Variants in COL5A1 observed in about 807,000 individuals in gnomAD.
COL5A1 encodes collagen alpha-1(V) chain.
Under a neutral mutation model 263.7 loss-of-function variants are expected in COL5A1, and 16 were observed. The observed-to-expected ratio is 0.06, with a 90% CI of 0.04 to 0.09. The LOEUF (loss-of-function observed/expected upper bound fraction) is 0.09, where lower values mean the gene tolerates loss of function less well. Among genes scored for constraint, COL5A1 ranks in the 10% least tolerant of loss-of-function variants. The pLI is 1.00. For missense variants in COL5A1, 2,036 were observed against 2,540.5 expected (o/e 0.80, Z 4.27); for synonymous variants, 1,012 against 1,004.5 (o/e 1.01, Z -0.14).
intron 11 of COL5A1, among the ~76,000 whole-genome samples, chr9:134,743,852 A>G (rs1448208264): frequency 6.6e-6 from 1 of 152,084 alleles, no homozygotes; most frequent in East Asian, 1.9e-4. Context: ...AAAGTTTCGT[A>G]TGTAAGCCAT....
At chr9:134,731,203 C>T (rs930758737) in intron 7 of COL5A1, among the ~76,000 whole-genome samples, 3 of 152,228 alleles carry the variant, frequency 2.0e-5, no homozygotes, top group Non-Finnish European at 2.9e-5. Context: ...GATGCATTAT[C>T]GCAAGACCCT....
Position 134,806,124 on chromosome 9 carries a change from T to G in COL5A1, c.3259-65T>G, listed in dbSNP as rs1168596875. On this transcript the variant is annotated intron_variant, in intron 41 of 65. Transcript: ENST00000371817. ...GTAAGTGGAGTGATCAGCTGGTGCT[T>G]TACAAAGTCACGACCACGCAGTCTG... is the stretch of plus-strand genomic sequence containing the variant. 1.7e-5 allele frequency: 21 copies of G among 1,230,334 alleles called. No individual in the cohort carries two copies. The South Asian group carries it at 1.9e-4, about 11-fold the overall frequency. 76.2% of individuals were successfully genotyped at this position (1,230,334 alleles called of 1,614,324 possible).
Position 134,759,266 on chromosome 9 carries a change from A to T in COL5A1, c.1935+970A>T, listed in dbSNP as rs1394082968. ...ACACCACACATGTGTGCGCGCACAC[A>T]CTCATACACACATGCACACACACGC... On this transcript the variant is annotated intron_variant, in intron 18 of 65. Transcript: ENST00000371817. 3.6e-5 allele frequency among the ~76,000 whole-genome samples: 4 copies of T among 110,784 alleles called. No homozygotes were observed. In the East Asian group the frequency reaches 1.3e-3, roughly 37 times the overall value. The allele number at this position is 110,784 out of a possible 152,430, so 72.7% of individuals were successfully genotyped here.
intron 18 of COL5A1, among the ~76,000 whole-genome samples, chr9:134,759,390 CAT>C (rs1836140226): frequency 1.4e-5 from 2 of 143,188 alleles, no homozygotes; most frequent in Admixed American, 6.9e-5. Flanking sequence ...CACATGCACA[CAT>C]ACGCATACAC....
intron 42 of COL5A1, 71 bp downstream of exon 42, chr9:134,806,367 C>G (rs1838297670): frequency 5.3e-6 from 6 of 1,132,976 alleles, no homozygotes; most frequent in Non-Finnish European, 7.7e-6. Flanking sequence ...CTGGCCTTGT[C>G]CCTCCCCCTG....
At position 134,755,833 on chromosome 9, in the gene COL5A1, G is replaced by T. The variant is rs943571027; in HGVS notation, c.1828-932G>T. ...CTCGGCTGTTCTCGGGTGCCACCTT[G>T]TCTGTCTCCAGTGCTTTGAGACCCT... On this transcript the variant is annotated intron_variant, in intron 16 of 65. Transcript: ENST00000371817. The surrounding 1 kb of genome is among the most constrained non-coding windows in gnomAD (Gnocchi z 4.1). Among the ~76,000 whole-genome samples the T allele has an allele frequency of 6.6e-6, 1 of 152,124 alleles. No homozygotes were observed. The highest frequency in any genetic ancestry group is 2.4e-5 in the African/African-American group (1 of 41,430).
chr9:134,812,758 GAGTGTGTGTGTGTGTC>G (rs1170774118), intron 48 of COL5A1, 46 bp downstream of exon 48: 4 of 1,029,838 alleles, frequency 3.9e-6, no homozygotes, highest in Non-Finnish European at 4.1e-6. Context: ...GTTGTTTGAG[GAGTGTGTGTGTGTGTC>G]TGTGTGTGTG....
At chr9:134,675,933 C>G (rs1242439296) in intron 1 of COL5A1, among the ~76,000 whole-genome samples, 1 of 152,182 alleles carries the variant, frequency 6.6e-6, no homozygotes, top group East Asian at 1.9e-4. Context: ...GTCAGGTGGC[C>G]ACAAAGCCCA....
chr9:134,747,760 T>C (rs1291405204), intron 11 of COL5A1, among the ~76,000 whole-genome samples: 4 of 132,450 alleles, frequency 3.0e-5, no homozygotes, highest in Non-Finnish European at 6.3e-5. Context: ...CACACATGCA[T>C]TCATACATGC....
At chr9:134,645,041 GC>G (rs1001043093) in intron 1 of COL5A1, among the ~76,000 whole-genome samples, 1 of 152,152 alleles carries the variant, frequency 6.6e-6, no homozygotes, top group Non-Finnish European at 1.5e-5. Context: ...AATTCCCCAA[GC>G]CCTCTCCCTG....
In COL5A1 at chr9:134,811,361, C is replaced by T. The variant is rs749093832; in HGVS notation, c.3551C>T (p.Pro1184Leu). The change falls in exon 45 of 66, where the codon CCT (proline) becomes CTT (leucine). Residue 1184 changes from proline (P) to leucine (L), a missense_variant. Physicochemically the swap from Pro to Leu is moderately conservative, Grantham distance 98. Coordinates refer to ENST00000371817, the MANE Select transcript of COL5A1 (RefSeq NM_000093.5). ...CAGGGTCCTCCTGGGCCTACAGGTC[C>T]TCAAGGCCCCATCGGACAGCCAGGC... ...GEQGPPGPTGPQGPIGQPGPS... is the reference protein window; with the variant it reads ...GEQGPPGPTGLQGPIGQPGPS... The T allele has an allele frequency of 2.4e-5, 39 of 1,613,950 alleles. No homozygotes were observed. Among genetic ancestry groups the T allele is most frequent in the Non-Finnish European group, 3.2e-5 (38 of 1,180,016 alleles).
intron 4 of COL5A1, among the ~76,000 whole-genome samples, chr9:134,718,020 C>T (rs1393939392): frequency 6.6e-6 from 1 of 152,136 alleles, no homozygotes; most frequent in Non-Finnish European, 1.5e-5. Flanking sequence ...GGGGCCGCGG[C>T]CACGGGAGCC....
chr9:134,659,959 A>G (rs1047025619), intron 1 of COL5A1, among the ~76,000 whole-genome samples: 2 of 152,190 alleles, frequency 1.3e-5, no homozygotes, highest in Non-Finnish European at 2.9e-5. Context: ...ACACACGGCC[A>G]AGGAGAAATG....
chr9:134,717,120 C>G (rs34980427), intron 4 of COL5A1, among the ~76,000 whole-genome samples: 14 of 152,082 alleles, frequency 9.2e-5, no homozygotes, highest in Non-Finnish European at 4.4e-5. Flanking sequence ...GGTCTGGCCC[C>G]TGGCAGCTGG....
intron 65 of COL5A1, among the ~76,000 whole-genome samples, chr9:134,835,517 T>C (rs929804449): frequency 1.3e-5 from 2 of 152,138 alleles, no homozygotes; most frequent in African/African-American, 4.8e-5. Flanking sequence ...GGAGGACCCG[T>C]TGTGGTTCCA....
chr9:134,784,950 G>GTGTGTGT, intron 29 of COL5A1, 39 bp from the exon 30 acceptor site: 1 of 1,470,622 alleles, frequency 6.8e-7, no homozygotes, highest in Non-Finnish European at 9.5e-7. Flanking sequence ...GTGTGTGTGC[G>GTGTGTGT]GGGGGTGGTC....
chr9:134,706,025 G>A (rs1833825451), intron 4 of COL5A1, among the ~76,000 whole-genome samples: 1 of 152,238 alleles, frequency 6.6e-6, no homozygotes, highest in South Asian at 2.1e-4. Flanking sequence ...GCAGGCCCCT[G>A]TCCTCCTCCC....
rs1836905036 is a variant in COL5A1 at position 134,772,738 on chromosome 9, G to A, written c.2287-52G>A. 6 of 1,589,450 alleles carry A rather than the reference G, an allele frequency of 3.8e-6. No homozygotes were observed. In the Admixed American group the frequency reaches 8.3e-5, roughly 22 times the overall value. On this transcript the variant is annotated intron_variant, in intron 25 of 65. Coordinates refer to ENST00000371817, the MANE Select transcript of COL5A1 (RefSeq NM_000093.5). ...CTACGCAGGGAGGGGAAGCGAGGGA[G>A]GCTGCTTTCTGGAGTGGCACTGACT...
intron 11 of COL5A1, among the ~76,000 whole-genome samples, chr9:134,746,308 G>A (rs546571615): frequency 1.3e-5 from 2 of 152,324 alleles, no homozygotes; most frequent in African/African-American, 4.8e-5. Flanking sequence ...AGCTCTTTCC[G>A]AGAGTGGAAG....
Sources: gnomAD v4.1 joint callset for allele counts (sites outside exome capture counted in the v4.1 genomes callset) on GRCh38, gnomAD v4.1.1 for gene constraint, Gnocchi (gnomAD v3.1) non-coding constraint, MANE v1.5 for transcripts, NCBI Gene and HGNC (gene_info 2026-07-23, HGNC 2026-07-21) for gene names.